Variants in PSMD13 observed in about 807,000 individuals in gnomAD.
PSMD13 encodes 26S proteasome non-ATPase regulatory subunit 13.
A neutral mutation model predicts 57.4 loss-of-function variants in PSMD13; 8 were observed. The ratio of observed to expected loss-of-function variants is 0.14; its 90% CI spans 0.08 to 0.25. The LOEUF (loss-of-function observed/expected upper bound fraction) is 0.25, where lower values mean the gene tolerates loss of function less well. Ranked by LOEUF, PSMD13 falls within the 10% of genes least tolerant of loss-of-function variation. The pLI is 1.00. For missense variants in PSMD13, 400 were observed against 461.5 expected, an observed-to-expected ratio of 0.87 and a Z score of 1.22; for synonymous variants, 193 against 168.2, an observed-to-expected ratio of 1.15 and a Z score of -1.14.
At chr11:237,239 G>A (rs1446190881) in intron 1 of PSMD13, 95 bp downstream of exon 1, 4 of 1,205,472 alleles carry the variant, frequency 3.3e-6, no homozygotes, top group East Asian at 2.5e-5. Context: ...GGCTGAGGGC[G>A]CCCAGACCCA....
At chr11:247,905 C>A (rs56819791) in intron 7 of PSMD13, 24,669 of 153,626 alleles carry the variant, frequency 0.16, 2,290 homozygotes, top group Non-Finnish European at 0.2. Context: ...ATTTGTGTAA[C>A]CTTTAGTTTC....
chr11:239,167 G>A lies in PSMD13; in HGVS notation c.174+91G>A, dbSNP rs1859463496. ...GGCTTTATGCTAATAATAATAATAAGCTCCAATATTCAGCAGTCACTTTAC... is the reference window on the plus strand; with the variant it reads ...GGCTTTATGCTAATAATAATAATAAACTCCAATATTCAGCAGTCACTTTAC... On this transcript the variant is annotated intron_variant, in intron 2 of 12. Coordinates refer to ENST00000532097, the MANE Select transcript of PSMD13 (RefSeq NM_002817.4). 1.3e-5 allele frequency: 16 copies of A among 1,209,560 alleles called. 1 individual carries two copies. In the South Asian group the frequency reaches 1.6e-4, roughly 12 times the overall value. 74.9% of individuals were successfully genotyped at this position (1,209,560 alleles called of 1,614,324 possible).
rs565985817 is a variant in PSMD13, at chr11:250,750, A to T, written c.775-53A>T. 2.5e-5 allele frequency: 39 copies of T among 1,543,604 alleles called. No individual in the cohort carries two copies. In the African/African-American group the frequency reaches 3.7e-4, roughly 15 times the overall value. ...ACGAATTCCAGATCCCCAGTTAAGTAACTGATAAGCACAAACATGGAAGAC... is the reference window on the plus strand; with the variant it reads ...ACGAATTCCAGATCCCCAGTTAAGTTACTGATAAGCACAAACATGGAAGAC... On this transcript the variant is annotated intron_variant, in intron 9 of 12. Transcript: ENST00000532097.
In PSMD13 at chr11:237,038, C is replaced by A; in HGVS notation, c.-12C>A. The A allele has an allele frequency of 2.5e-6, 4 of 1,607,424 alleles. No individual in the cohort carries two copies. The highest frequency in any genetic ancestry group is 3.4e-6 in the Non-Finnish European group (4 of 1,174,184). On this transcript the variant is annotated 5_prime_UTR_variant, in exon 1 of 13. Transcript: ENST00000532097. ...CCGGTTGTTCTTCTGTGCCGGGGGT[C>A]TTCCTGCTGTCATGAAGGACGTACC...
At chr11:245,680 GTTTGCA>G (rs1198245980) in intron 6 of PSMD13, among the ~76,000 whole-genome samples, 11,186 of 115,920 alleles carry the variant, frequency 0.096, 601 homozygotes, top group African/African-American at 0.11. Flanking sequence ...GTGTGTGTGT[GTTTGCA>G]TGTGTGTTCG....
intron 1 of PSMD13, among the ~76,000 whole-genome samples, chr11:237,555 T>C (rs1859336276): frequency 6.6e-6 from 1 of 152,248 alleles, no homozygotes; most frequent in Admixed American, 6.5e-5. Flanking sequence ...TGTTGGTGAT[T>C]CGTGCTTAGC....
rs557833296 is a variant in PSMD13, at chr11:250,320, C to A, written c.775-483C>A. Reference sequence around the variant, plus strand: ...TAGTTCTCAGGACAATGATATTTTTCATTATAAATTAATAACTTGCTCTTT... The same window carrying A: ...TAGTTCTCAGGACAATGATATTTTTAATTATAAATTAATAACTTGCTCTTT... On this transcript the variant is annotated intron_variant, in intron 9 of 12. Coordinates refer to ENST00000532097, the MANE Select transcript of PSMD13 (RefSeq NM_002817.4). 7.9e-5 allele frequency among the ~76,000 whole-genome samples: 12 copies of A among 152,326 alleles called. No homozygotes were observed. In the South Asian group the frequency reaches 2.1e-3, roughly 26 times the overall value.
intron 6 of PSMD13, among the ~76,000 whole-genome samples, chr11:247,047 T>G (rs1218389574): frequency 6.6e-6 from 1 of 152,162 alleles, no homozygotes; most frequent in Non-Finnish European, 1.5e-5. Context: ...TTCATCAGTC[T>G]TTGCCTTGGT....
chr11:244,646 GTT>G, intron 5 of PSMD13, 27 bp from the exon 6 acceptor site: 1 of 1,594,048 alleles, frequency 6.3e-7, no homozygotes, highest in Non-Finnish European at 8.6e-7. Context: ...ACATTCTGAG[GTT>G]TCTTGTTTTT....
At chr11:238,528 G>A (rs532736232) in intron 1 of PSMD13, among the ~76,000 whole-genome samples, 15 of 152,268 alleles carry the variant, frequency 9.9e-5, no homozygotes, top group Admixed American at 7.2e-4. Context: ...TGGGGCGGCC[G>A]GGCGCAGTGG....
intron 6 of PSMD13, among the ~76,000 whole-genome samples, 177 bp downstream of exon 6, chr11:244,938 C>CTTT (rs35323262): frequency 1.4e-5 from 2 of 139,058 alleles, no homozygotes; most frequent in African/African-American, 2.7e-5. Context: ...CATTGCAAAC[C>CTTT]TTTTTTTTTT....
At chr11:244,605 G>A (rs1356779990) in intron 5 of PSMD13, 70 bp from the exon 6 acceptor site, 1 of 1,528,092 alleles carries the variant, frequency 6.5e-7, no homozygotes, top group Non-Finnish European at 9.0e-7. Flanking sequence ...TAATGTACAA[G>A]TAGCTAGCTT....
intron 2 of PSMD13, chr11:243,185 A>C (rs6598066): frequency 1.6e-6 from 1 of 612,420 alleles, no homozygotes; most frequent in East Asian, 3.1e-5. Context: ...CTTGTTTTTA[A>C]TTTAGGTATC....
rs897490180 is a variant in PSMD13, at chr11:249,585, G to A, written c.774+528G>A. Among the ~76,000 whole-genome samples, 67 of 93,964 alleles carry A rather than the reference G, an allele frequency of 7.1e-4. 2 individuals carry two copies. The highest frequency in any genetic ancestry group is 1.1e-3 in the Non-Finnish European group (41 of 36,860). The allele number at this position is 93,964 out of a possible 152,430, so 61.6% of individuals were successfully genotyped here. A position where few individuals can be genotyped will look rare whatever the true frequency, so the allele number is the denominator to read the frequency against. ...CGGGTGCGGGGAGGGGGAGAGCGGC[G>A]GGTGCGGGGAGGGGGAGAGCGGCGG... is the stretch of plus-strand genomic sequence containing the variant. On this transcript the variant is annotated intron_variant, in intron 9 of 12. Transcript: ENST00000532097.
chr11:246,968 C>T (rs1263129864), intron 6 of PSMD13, among the ~76,000 whole-genome samples: 1 of 152,168 alleles, frequency 6.6e-6, no homozygotes, highest in Non-Finnish European at 1.5e-5. Context: ...TATTGTTTCC[C>T]AGTCTGTAGC....
chr11:243,819 C>T (rs1859571267), intron 2 of PSMD13, among the ~76,000 whole-genome samples: 1 of 152,190 alleles, frequency 6.6e-6, no homozygotes, highest in Non-Finnish European at 1.5e-5. Flanking sequence ...CCTAATATTC[C>T]TTAGTAATCT....
chr11:243,177 T>C, intron 2 of PSMD13: 1 of 629,710 alleles, frequency 1.6e-6, no homozygotes, highest in Non-Finnish European at 3.1e-6. Context: ...TTTGTGTCCT[T>C]GTTTTTAATT....
Position 251,813 on chromosome 11 carries a change from T to TG in PSMD13, c.919-6dup. 6.2e-7 allele frequency: 1 copy of TG among 1,613,408 alleles called. No homozygotes were observed. The highest frequency in any genetic ancestry group is 1.3e-5 in the African/African-American group (1 of 75,038). On this transcript the variant is annotated splice_region_variant and splice_polypyrimidine_tract_variant and intron_variant, in intron 11 of 12. Transcript: ENST00000532097. This position sits in a 1 kb window ranked among gnomAD's most constrained non-coding sequence, Gnocchi z 4.6. ...CTTGTCTTACACACGCCTCCCTCTC[T>TG]GCACAGGTGGAGCTTCTGGTGATGA...
intron 9 of PSMD13, 87 bp from the exon 10 acceptor site, chr11:250,716 T>A: frequency 7.9e-7 from 1 of 1,258,936 alleles, no homozygotes; most frequent in East Asian, 2.3e-5. Context: ...TTGGGTCTAC[T>A]GTTATAGAAC....
Sources: gnomAD v4.1 joint callset for allele counts (sites outside exome capture counted in the v4.1 genomes callset) on GRCh38, gnomAD v4.1.1 for gene constraint, Gnocchi (gnomAD v3.1) non-coding constraint, MANE v1.5 for transcripts, NCBI Gene and HGNC (gene_info 2026-07-23, HGNC 2026-07-21) for gene names.